The following CD99L2 variants were observed in gnomAD, a reference collection of about 807,000 sequenced individuals.
CD99L2 encodes CD99 antigen-like protein 2.
Under a neutral mutation model 27.3 loss-of-function variants are expected in CD99L2, and 24 were observed. The observed-to-expected ratio is 0.88, with a 90% CI of 0.64 to 1.24. The LOEUF is 1.24. Ranked by LOEUF, CD99L2 falls within the 50% of genes most tolerant of loss-of-function variation. The pLI is 0.00. For synonymous variants in CD99L2, 97 were observed against 87.9 expected (o/e 1.10, Z -0.58); for missense variants, 255 against 221.6 (o/e 1.15, Z -0.96).
intron 4 of CD99L2, among the ~76,000 whole-genome samples, chrX:150,808,320 A>C (rs142910711): frequency 8.0e-5 from 9 of 112,180 alleles, no homozygotes; most frequent in Non-Finnish European, 1.3e-4. Flanking sequence ...ATTATGAAAA[A>C]CTATTTTCAT....
chrX:150,885,571 C>T (rs968764859), intron 1 of CD99L2, among the ~76,000 whole-genome samples: 6 of 111,975 alleles, frequency 5.4e-5, no homozygotes, highest in African/African-American at 1.9e-4. Flanking sequence ...CCCTAGGTAA[C>T]GAGGTTTGTG....
intron 1 of CD99L2, among the ~76,000 whole-genome samples, chrX:150,849,979 C>A (rs181585805): frequency 1.8e-5 from 2 of 111,684 alleles, no homozygotes; most frequent in African/African-American, 3.3e-5. Flanking sequence ...TTTAATACTA[C>A]GCAAAATAAA....
intron 9 of CD99L2, among the ~76,000 whole-genome samples, chrX:150,775,009 C>T (rs1397940170): frequency 2.7e-5 from 3 of 112,715 alleles, no homozygotes; most frequent in African/African-American, 6.4e-5. Flanking sequence ...GACATGTCAA[C>T]GTGCTCCTGC....
At chrX:150,861,526 A>C (rs1337104863) in intron 1 of CD99L2, among the ~76,000 whole-genome samples, 1 of 111,822 alleles carries the variant, frequency 8.9e-6, no homozygotes, top group Non-Finnish European at 1.9e-5. Flanking sequence ...TAGTCTCTTT[A>C]ATAAATGGTG....
chrX:150,841,486 A>G (rs946946302), intron 1 of CD99L2, among the ~76,000 whole-genome samples: 1 of 111,650 alleles, frequency 9.0e-6, no homozygotes. Context: ...TATTTCTCCT[A>G]AAAGTTCTAC....
intron 1 of CD99L2, among the ~76,000 whole-genome samples, chrX:150,834,446 C>T (rs782285578): frequency 8.9e-6 from 1 of 111,959 alleles, no homozygotes; most frequent in Non-Finnish European, 1.9e-5. Context: ...GAGCTGAGAT[C>T]GCGCCACTGC....
At chrX:150,865,982 G>A (rs782382095) in intron 1 of CD99L2, among the ~76,000 whole-genome samples, 5 of 111,205 alleles carry the variant, frequency 4.5e-5, no homozygotes, top group African/African-American at 9.8e-5. Flanking sequence ...TTGGCTGGGC[G>A]TGGTGATGCA....
intron 10 of CD99L2, among the ~76,000 whole-genome samples, chrX:150,769,335 A>G (rs898737553): frequency 2.4e-4 from 27 of 111,945 alleles, no homozygotes; most frequent in African/African-American, 8.5e-4. Context: ...CTCACCTAAA[A>G]AATGAGCGTG....
chrX:150,853,398 C>T (rs1191392177), intron 1 of CD99L2, among the ~76,000 whole-genome samples: 1 of 111,504 alleles, frequency 9.0e-6, no homozygotes, highest in East Asian at 2.8e-4. Flanking sequence ...AAACCCCCCA[C>T]CCACCCACTT....
chrX:150,814,304 G>A (rs1445358035), intron 4 of CD99L2, among the ~76,000 whole-genome samples: 1 of 112,010 alleles, frequency 8.9e-6, no homozygotes, highest in Non-Finnish European at 1.9e-5. Context: ...TGTCCTATCC[G>A]AGAAGATTAT....
chrX:150,840,697 T>C (rs1244593459), intron 1 of CD99L2, among the ~76,000 whole-genome samples: 1 of 112,452 alleles, frequency 8.9e-6, no homozygotes, highest in Non-Finnish European at 1.9e-5. Flanking sequence ...CATGAGCCAC[T>C]GCACCCAGTC....
rs182962841 is a variant in CD99L2 at position 150,862,956 on chromosome X, C to T, written c.68-31663G>A. 5.8e-3 allele frequency among the ~76,000 whole-genome samples: 647 copies of T among 112,301 alleles called. 5 individuals carry two copies. Among genetic ancestry groups the T allele is most frequent in the African/African-American group, 0.02 (612 of 30,975 alleles). Reference sequence around the variant, plus strand: ...TTTGTTCTTAACAGATTTGCAGTATCCATTTGGAATTCATTCTATATCCTG... The same window carrying T: ...TTTGTTCTTAACAGATTTGCAGTATTCATTTGGAATTCATTCTATATCCTG... On this transcript the variant is annotated intron_variant, in intron 1 of 10. Transcript: ENST00000370377.
chrX:150,882,870 T>TA (rs1286464229), intron 1 of CD99L2, among the ~76,000 whole-genome samples: 85 of 109,978 alleles, frequency 7.7e-4, no homozygotes, highest in Non-Finnish European at 1.3e-3. Context: ...GACAAGTTGG[T>TA]AAAAAAAACA....
chrX:150,793,065 C>T (rs187321251), intron 7 of CD99L2, among the ~76,000 whole-genome samples: 156 of 111,765 alleles, frequency 1.4e-3, no homozygotes, highest in Non-Finnish European at 2.3e-3. Context: ...CGCTCACACA[C>T]GCATATCTGA....
intron 1 of CD99L2, among the ~76,000 whole-genome samples, chrX:150,837,930 A>G (rs1404251201): frequency 8.9e-6 from 1 of 112,391 alleles, no homozygotes; most frequent in Non-Finnish European, 1.9e-5. Context: ...CAGTATGATA[A>G]AGGGGAAATA....
rs782118490 is a variant in CD99L2, at chrX:150,892,176, G to A, written c.67+6346C>T. Among the ~76,000 whole-genome samples, 320 of 109,940 alleles carry A rather than the reference G, an allele frequency of 2.9e-3. 2 individuals carry two copies. The highest frequency in any genetic ancestry group is 9.9e-3 in the African/African-American group (298 of 30,116). ...GCAGAGGTTGCAGTGAGCCAAGATC[G>A]CGCCATTGCACTCCAGCCTGGGCAA... On this transcript the variant is annotated intron_variant, in intron 1 of 10. Transcript: ENST00000370377.
chrX:150,771,666 G>A, intron 9 of CD99L2: 1 of 652,799 alleles, frequency 1.5e-6, no homozygotes, highest in Non-Finnish European at 2.4e-6. Context: ...AGCTAAAGAT[G>A]GTCCTGGTTA....
chrX:150,847,207 G>T (rs1165663764), intron 1 of CD99L2, among the ~76,000 whole-genome samples: 9 of 112,372 alleles, frequency 8.0e-5, no homozygotes, highest in African/African-American at 2.9e-4. Flanking sequence ...CTTCCCTTGT[G>T]CTAGTAATCC....
chrX:150,770,173 G>C, intron 10 of CD99L2, 131 bp downstream of exon 10: 1 of 602,939 alleles, frequency 1.7e-6, no homozygotes, highest in East Asian at 3.5e-5. Context: ...CATCAGGGCA[G>C]GCTTTTGCTC....
Sources: allele counts gnomAD v4.1 joint callset (sites outside exome capture counted in the v4.1 genomes callset), GRCh38; gene constraint gnomAD v4.1.1; transcripts MANE v1.5; gene names NCBI Gene and HGNC (gene_info 2026-07-23, HGNC 2026-07-21).